The following TPCN1 variants were observed in gnomAD, a reference collection of about 807,000 sequenced individuals.
TPCN1 encodes the protein two pore channel protein 1.
A neutral mutation model predicts 108.8 loss-of-function variants in TPCN1; 52 were observed. That is an observed-to-expected ratio of 0.48 (90% CI 0.38 to 0.60). TPCN1 has a LOEUF of 0.60. Ranked by LOEUF, TPCN1 falls within the 20% of genes least tolerant of loss-of-function variation. The pLI, the probability that TPCN1 is intolerant of heterozygous loss-of-function variation, is 0.00. For missense variants in TPCN1, 806 were observed against 1,072.8 expected (o/e 0.75, Z 3.47); for synonymous variants, 446 against 433.7 (o/e 1.03, Z -0.35).
intron 2 of TPCN1, among the ~76,000 whole-genome samples, chr12:113,233,477 C>T (rs770862020): frequency 5.9e-5 from 9 of 152,230 alleles, no homozygotes; most frequent in Non-Finnish European, 1.2e-4. Flanking sequence ...AGCAAGGTAG[C>T]CCAGGAACAA....
intron 3 of TPCN1, among the ~76,000 whole-genome samples, chr12:113,264,565 G>C (rs1276233529): frequency 6.6e-6 from 1 of 151,926 alleles, no homozygotes; most frequent in Non-Finnish European, 1.5e-5. Context: ...TGTCATTCCA[G>C]CTACCCGGGA....
intron 2 of TPCN1, among the ~76,000 whole-genome samples, chr12:113,234,176 A>G (rs1953797953): frequency 6.6e-6 from 1 of 152,160 alleles, no homozygotes; most frequent in African/African-American, 2.4e-5. Context: ...GCAAGTGAAC[A>G]CCAGACCACA....
rs1287258811 is a variant in TPCN1, at chr12:113,289,363, C to T, written c.1796+516C>T. Among the ~76,000 whole-genome samples, 1 of 152,248 alleles carries T rather than the reference C, an allele frequency of 6.6e-6. No homozygotes were observed. The highest frequency in any genetic ancestry group is 1.5e-5 in the Non-Finnish European group (1 of 68,046). ...ATTCATCCTCAATTCAGAGAGTCCT[C>T]TTACATTTGGTCTTTACAGCCTCAA... is the stretch of plus-strand genomic sequence containing the variant. On this transcript the variant is annotated intron_variant, in intron 21 of 27. Coordinates refer to ENST00000335509, the MANE Select transcript of TPCN1 (RefSeq NM_017901.6). The surrounding 1 kb of genome is among the most constrained non-coding windows in gnomAD (Gnocchi z 4.1).
intron 1 of TPCN1, among the ~76,000 whole-genome samples, chr12:113,222,440 C>T (rs1167870250): frequency 1.3e-5 from 2 of 152,174 alleles, no homozygotes; most frequent in Admixed American, 1.3e-4. Context: ...GGAGGTCTCA[C>T]CTGTGCATTG....
In TPCN1 at chr12:113,255,548, C is replaced by CA. The variant is rs540815912; in HGVS notation, c.113-4819dup. ...ATTAATTAATTTTTTTTTTTTGAGA[C>CA]AGAGTCTCAGTCTGTAAGCCAAGCT... On this transcript the variant is annotated intron_variant, in intron 2 of 27. Transcript: ENST00000335509. Among the ~76,000 whole-genome samples, 12 of 149,490 alleles carry CA rather than the reference C, an allele frequency of 8.0e-5. No individual in the cohort carries two copies. The South Asian group carries it at 1.9e-3, about 23-fold the overall frequency.
intron 2 of TPCN1, among the ~76,000 whole-genome samples, chr12:113,251,643 G>T (rs992117262): frequency 3.3e-5 from 5 of 152,358 alleles, no homozygotes; most frequent in African/African-American, 7.2e-5. Flanking sequence ...TGTTGCCTTC[G>T]GCGGCCAGCC....
At chr12:113,264,132 C>T (rs1438203637) in intron 3 of TPCN1, among the ~76,000 whole-genome samples, 1 of 152,182 alleles carries the variant, frequency 6.6e-6, no homozygotes, top group Non-Finnish European at 1.5e-5. Context: ...GGCCCCCTGC[C>T]CACTGCTGTG....
At chr12:113,253,662 C>T (rs1288135988) in intron 2 of TPCN1, among the ~76,000 whole-genome samples, 2 of 152,096 alleles carry the variant, frequency 1.3e-5, no homozygotes, top group African/African-American at 4.8e-5. Context: ...CAAGTAAGTG[C>T]CCCAAGAGAA....
chr12:113,292,557 C>A, intron 25 of TPCN1: 1 of 208,986 alleles, frequency 4.8e-6, no homozygotes, highest in Non-Finnish European at 9.6e-6. Flanking sequence ...GATCACACCA[C>A]TGCACTCCAG....
At position 113,297,869 on chromosome 12, in the gene TPCN1, T is replaced by G. The variant is rs541008120; in HGVS notation, c.*1793T>G. 27 of 152,386 alleles carry G rather than the reference T, an allele frequency of 1.8e-4. 1 individual carries two copies. Among genetic ancestry groups the G allele is most frequent in the African/African-American group, 6.3e-4 (26 of 41,578 alleles). The allele number at this position is 152,386 out of a possible 1,614,324, so 9.4% of individuals were successfully genotyped here. ...CTTTTGTGTGTTGAAATGGGCGTTT[T>G]GGAAGCAAGGGTCAGGGGACAGCTT... On this transcript the variant is annotated 3_prime_UTR_variant, in exon 28 of 28. Transcript: ENST00000335509. The surrounding 1 kb of genome is among the most constrained non-coding windows in gnomAD (Gnocchi z 4.4).
rs527990282 is a variant in TPCN1 at position 113,229,917 on chromosome 12, C to T, written c.112+2953C>T. 3.9e-5 allele frequency among the ~76,000 whole-genome samples: 6 copies of T among 152,322 alleles called. No homozygotes were observed. In the South Asian group the frequency reaches 8.3e-4, roughly 21 times the overall value. ...CTCTTCAGCTGGCAACGAAGCCTTG[C>T]GTGTTCTAGTGCCTTCTTGCTTGAC... On this transcript the variant is annotated intron_variant, in intron 2 of 27. Coordinates refer to ENST00000335509, the MANE Select transcript of TPCN1 (RefSeq NM_017901.6).
chr12:113,257,984 T>G (rs912051332), intron 2 of TPCN1, among the ~76,000 whole-genome samples: 8 of 152,230 alleles, frequency 5.3e-5, no homozygotes, highest in African/African-American at 1.9e-4. Context: ...ATTCATCTAA[T>G]AGTAACAGAA....
intron 27 of TPCN1, among the ~76,000 whole-genome samples, chr12:113,293,577 A>G (rs898838428): frequency 3.9e-5 from 6 of 152,144 alleles, no homozygotes; most frequent in African/African-American, 1.4e-4. Context: ...CTGCCGCCAT[A>G]TGTCCCTGCC....
intron 2 of TPCN1, among the ~76,000 whole-genome samples, chr12:113,240,553 A>G (rs1954071198): frequency 6.6e-6 from 1 of 152,128 alleles, no homozygotes; most frequent in Admixed American, 6.5e-5. Flanking sequence ...TAATTGAAGG[A>G]CTTTCTGCAT....
chr12:113,243,142 G>A (rs1382255569), intron 2 of TPCN1, among the ~76,000 whole-genome samples: 1 of 152,180 alleles, frequency 6.6e-6, no homozygotes, highest in Non-Finnish European at 1.5e-5. Flanking sequence ...GGCTGAGGTG[G>A]GTGGATCACT....
intron 2 of TPCN1, chr12:113,246,120 C>T: frequency 2.3e-6 from 1 of 441,966 alleles, no homozygotes; most frequent in Non-Finnish European, 4.6e-6. Flanking sequence ...TGCTTCGAGT[C>T]AGAGTTTGCG....
intron 22 of TPCN1, among the ~76,000 whole-genome samples, chr12:113,290,641 C>T (rs1956237357): frequency 6.6e-6 from 1 of 152,242 alleles, no homozygotes; most frequent in African/African-American, 2.4e-5. Flanking sequence ...CACAGCCAAA[C>T]CGCCTCTCCA....
rs531681713 is a variant in TPCN1 at position 113,289,345 on chromosome 12, C to T, written c.1796+498C>T. 2.6e-5 allele frequency among the ~76,000 whole-genome samples: 4 copies of T among 152,372 alleles called. No individual in the cohort carries two copies. The highest frequency in any genetic ancestry group is 9.6e-5 in the African/African-American group (4 of 41,594). ...CACTGCACACTGCCATTCATTCATC[C>T]TCAATTCAGAGAGTCCTCTTACATT... On this transcript the variant is annotated intron_variant, in intron 21 of 27. Transcript: ENST00000335509. This position sits in a 1 kb window ranked among gnomAD's most constrained non-coding sequence, Gnocchi z 4.1.
At chr12:113,275,620 T>G (rs1955646673) in intron 10 of TPCN1, among the ~76,000 whole-genome samples, 1 of 151,240 alleles carries the variant, frequency 6.6e-6, no homozygotes, top group Non-Finnish European at 1.5e-5. Flanking sequence ...TTGCCCAGGC[T>G]GTAGTGCAGT....
Sources: allele counts gnomAD v4.1 joint callset (sites outside exome capture counted in the v4.1 genomes callset), GRCh38; gene constraint gnomAD v4.1.1; non-coding constraint Gnocchi (gnomAD v3.1); transcripts MANE v1.5; gene names NCBI Gene and HGNC (gene_info 2026-07-23, HGNC 2026-07-21).